ESRRG: variants seen among roughly 807,000 people sequenced by gnomAD.
ESRRG encodes the protein estrogen related receptor gamma.
A neutral mutation model predicts 44.0 loss-of-function variants in ESRRG; 13 were observed. That is an observed-to-expected ratio of 0.30 (90% CI 0.19 to 0.47). ESRRG has a LOEUF of 0.47. Among genes scored for constraint, ESRRG ranks in the 20% least tolerant of loss-of-function variants. The pLI is 1.00. For missense variants in ESRRG, 395 were observed against 580.6 expected, an observed-to-expected ratio of 0.68 and a Z score of 3.29; for synonymous variants, 215 against 214.6, an observed-to-expected ratio of 1.00 and a Z score of -0.02.
At chr1:216,730,305 T>TAAAAAAA (rs11445965) in intron 2 of ESRRG, among the ~76,000 whole-genome samples, 5 of 121,414 alleles carry the variant, frequency 4.1e-5, no homozygotes, top group Non-Finnish European at 6.8e-5. Flanking sequence ...CTTAGAAAGG[T>TAAAAAAA]AAAAAAAAAA....
At position 216,520,778 on chromosome 1, in the gene ESRRG, T is replaced by C. The variant is rs557291265; in HGVS notation, c.863-1357A>G. Among the ~76,000 whole-genome samples, 193 of 152,246 alleles carry C rather than the reference T, an allele frequency of 1.3e-3. 1 individual carries two copies. Among genetic ancestry groups the C allele is most frequent in the African/African-American group, 4.5e-3 (187 of 41,554 alleles). ...ATTTTTAATAATGCAACTTAAGAAA[T>C]CTATTTTTACTCCCTTTCTAGACAT... On this transcript the variant is annotated intron_variant, in intron 5 of 6. Coordinates refer to ENST00000408911, the MANE Select transcript of ESRRG (RefSeq NM_001438.4).
chr1:216,819,181 G>C (rs577975243), intron 2 of ESRRG, among the ~76,000 whole-genome samples: 2 of 152,236 alleles, frequency 1.3e-5, no homozygotes, highest in East Asian at 3.9e-4. Flanking sequence ...CACAATGGTT[G>C]AACTGGTTTA....
intron 1 of ESRRG, among the ~76,000 whole-genome samples, chr1:216,684,159 G>A (rs972220506): frequency 2.0e-5 from 3 of 152,192 alleles, no homozygotes; most frequent in African/African-American, 7.2e-5. Flanking sequence ...TGCTGTGCAA[G>A]CTGGAAGTGA....
chr1:216,687,919 C>A (rs1219882544), intron 1 of ESRRG, among the ~76,000 whole-genome samples: 1 of 152,118 alleles, frequency 6.6e-6, no homozygotes, highest in East Asian at 1.9e-4. Flanking sequence ...TTTACTACAT[C>A]ACATCAAAGT....
chr1:217,002,119 C>T lies in ESRRG; in HGVS notation c.-105-62446G>A, dbSNP rs140168184. On this transcript the variant is annotated intron_variant, in intron 1 of 7. Coordinates refer to the ESRRG transcript ENST00000359162. ...AAATTTGAGACCAGCCTGGTCAACA[C>T]GGCGAAACCCCATCTCTACTAAAAA... Among the ~76,000 whole-genome samples, 157 of 151,688 alleles carry T rather than the reference C, an allele frequency of 1.0e-3. 3 individuals carry two copies. In the East Asian group the frequency reaches 0.027, roughly 26 times the overall value.
chr1:216,975,431 T>A (rs2072664014), intron 1 of ESRRG, among the ~76,000 whole-genome samples: 1 of 152,192 alleles, frequency 6.6e-6, no homozygotes, highest in African/African-American at 2.4e-5. Flanking sequence ...AAAAGCTAGG[T>A]GCACGGGTTG....
intron 2 of ESRRG, among the ~76,000 whole-genome samples, chr1:216,746,249 C>T (rs975020816): frequency 1.3e-5 from 2 of 152,128 alleles, no homozygotes; most frequent in African/African-American, 4.8e-5. Context: ...AATATGACCC[C>T]AGGACTATCT....
At chr1:217,011,813 T>A (rs2078660374) in intron 1 of ESRRG, among the ~76,000 whole-genome samples, 1 of 152,184 alleles carries the variant, frequency 6.6e-6, no homozygotes, top group African/African-American at 2.4e-5. Flanking sequence ...GTCCCCAGGC[T>A]CACCCTCTGG....
At chr1:216,843,501 A>G (rs1452000383) in intron 2 of ESRRG, among the ~76,000 whole-genome samples, 2 of 152,100 alleles carry the variant, frequency 1.3e-5, no homozygotes, top group Admixed American at 6.6e-5. Flanking sequence ...ACTTATCTAC[A>G]TTAAGGGTCA....
intron 1 of ESRRG, among the ~76,000 whole-genome samples, chr1:217,018,077 A>G (rs2079700995): frequency 6.6e-6 from 1 of 152,146 alleles, no homozygotes; most frequent in Non-Finnish European, 1.5e-5. Context: ...GGATAAATAG[A>G]TTTTTCATTT....
rs201604665 is a variant in ESRRG, at chr1:217,097,290, TA to T, written c.-230+40376del. Among the ~76,000 whole-genome samples the T allele has an allele frequency of 4.5e-4, 68 of 151,714 alleles. 1 individual carries two copies. Among genetic ancestry groups the T allele is most frequent in the Admixed American group, 1.6e-3 (24 of 15,242 alleles). On this transcript the variant is annotated intron_variant, in intron 1 of 8. Coordinates refer to the ESRRG transcript ENST00000366940. ...ACTGCACTCCACCCCCTCTAAAAAT[TA>T]AAAAAAAGGCACCTCTCTATTATAA...
intron 2 of ESRRG, among the ~76,000 whole-genome samples, chr1:216,938,837 C>T (rs566447361): frequency 6.6e-6 from 1 of 152,292 alleles, no homozygotes; most frequent in East Asian, 1.9e-4. Context: ...ATGATGAATG[C>T]ACAGACACTC....
chr1:217,083,118 A>G (rs1462873764), intron 1 of ESRRG, among the ~76,000 whole-genome samples: 1 of 152,252 alleles, frequency 6.6e-6, no homozygotes, highest in Non-Finnish European at 1.5e-5. Flanking sequence ...CATCACTGAT[A>G]ATACACTATT....
intron 1 of ESRRG, among the ~76,000 whole-genome samples, chr1:216,701,894 T>A (rs905645882): frequency 6.6e-6 from 1 of 152,250 alleles, no homozygotes; most frequent in African/African-American, 2.4e-5. Flanking sequence ...CAGACTATCA[T>A]AAATATGGCT....
intron 1 of ESRRG, among the ~76,000 whole-genome samples, chr1:217,101,963 C>G (rs757179256): frequency 6.6e-6 from 1 of 152,004 alleles, no homozygotes; most frequent in East Asian, 1.9e-4. Flanking sequence ...TGCGCCACCA[C>G]GCCTGGCTAA....
chr1:216,876,469 T>C (rs1421548053), intron 2 of ESRRG, among the ~76,000 whole-genome samples: 6 of 152,126 alleles, frequency 3.9e-5, no homozygotes, highest in Non-Finnish European at 8.8e-5. Context: ...ACTTCCAGTA[T>C]AATTCCCATT....
chr1:216,977,985 C>T (rs971308573), intron 1 of ESRRG, among the ~76,000 whole-genome samples: 4 of 152,172 alleles, frequency 2.6e-5, no homozygotes, highest in African/African-American at 9.6e-5. Flanking sequence ...TAAGAAGGCC[C>T]TTGTCAGATA....
rs576220553 is a variant in ESRRG at position 216,789,872 on chromosome 1, G to T, written c.-13-112381C>A. Among the ~76,000 whole-genome samples the T allele has an allele frequency of 5.3e-5, 8 of 152,218 alleles. 1 individual carries two copies. Among genetic ancestry groups the T allele is most frequent in the African/African-American group, 1.9e-4 (8 of 41,544 alleles). On this transcript the variant is annotated intron_variant, in intron 2 of 7. Coordinates refer to the ESRRG transcript ENST00000359162. Reference sequence around the variant, plus strand: ...AGCTCTTTGGCAGGCACTGCTACTCGTCCATCAAAATCTGTTCCACCCTGT... The same window carrying T: ...AGCTCTTTGGCAGGCACTGCTACTCTTCCATCAAAATCTGTTCCACCCTGT...
intron 2 of ESRRG, among the ~76,000 whole-genome samples, chr1:216,937,085 A>AT (rs2064268066): frequency 1.3e-5 from 2 of 151,886 alleles, no homozygotes; most frequent in Admixed American, 1.3e-4. Context: ...AAAGAAAGAT[A>AT]TTTTTCAAGT....
Sources: allele counts gnomAD v4.1 joint callset (sites outside exome capture counted in the v4.1 genomes callset), GRCh38; gene constraint gnomAD v4.1.1; transcripts MANE v1.5; gene names NCBI Gene and HGNC (gene_info 2026-07-23, HGNC 2026-07-21).